CRPPA: variants seen among roughly 807,000 people sequenced by gnomAD.
The protein encoded by CRPPA is D-ribitol-5-phosphate cytidylyltransferase.
CRPPA carries 43 observed loss-of-function variants against 52.0 expected under a neutral mutation model. The ratio of observed to expected loss-of-function variants is 0.83; its 90% confidence interval spans 0.65 to 1.07. The LOEUF is 1.07. CRPPA is among the 50% of genes least tolerant of loss of function. CRPPA has a pLI of 0.00. For missense variants in CRPPA, 629 were observed against 551.7 expected (o/e 1.14, Z -1.40); for synonymous variants, 250 against 203.5 (o/e 1.23, Z -1.94).
chr7:16,145,757 C>T (rs1013439681), intron 9 of CRPPA, among the ~76,000 whole-genome samples: 22 of 151,224 alleles, frequency 1.5e-4, no homozygotes, highest in African/African-American at 5.3e-4. Flanking sequence ...AAAGACAAGT[C>T]ATTTAAAATT....
chr7:16,392,541 G>A (rs1167932385), intron 2 of CRPPA, among the ~76,000 whole-genome samples: 3 of 152,088 alleles, frequency 2.0e-5, no homozygotes, highest in Non-Finnish European at 4.4e-5. Context: ...CTCTGAAAGG[G>A]TTCAGTTTTG....
chr7:16,156,397 G>C (rs1783182805), intron 9 of CRPPA, among the ~76,000 whole-genome samples: 1 of 152,196 alleles, frequency 6.6e-6, no homozygotes, highest in African/African-American at 2.4e-5. Context: ...TTTTCTGATA[G>C]TGTTCATGAG....
intron 4 of CRPPA, among the ~76,000 whole-genome samples, chr7:16,303,817 G>A (rs1362070186): frequency 6.6e-6 from 1 of 152,114 alleles, no homozygotes; most frequent in Admixed American, 6.6e-5. Context: ...TTTTTAAACA[G>A]ATGCTGAAAT....
At chr7:16,236,093 T>C (rs774241500) in intron 8 of CRPPA, 13 of 152,118 alleles carry the variant, frequency 8.5e-5, no homozygotes, top group Admixed American at 7.9e-4. Flanking sequence ...TTCCATCTCA[T>C]ATCAATGGTA....
rs1313628256 is a variant in CRPPA, at chr7:16,090,297, T to A, written c.*1398A>T. On this transcript the variant is annotated 3_prime_UTR_variant, in exon 10 of 10. Coordinates refer to ENST00000407010, the MANE Select transcript of CRPPA (RefSeq NM_001101426.4). ...CTAGAGGGAAAATCACCCAACATGT[T>A]AAATAAAAATTCCACAAGGTAGATA... The A allele has an allele frequency of 6.6e-6, 1 of 152,116 alleles. No homozygotes were observed. The highest frequency in any genetic ancestry group is 2.4e-5 in the African/African-American group (1 of 41,440). The allele number at this position is 152,116 out of a possible 1,614,324, so 9.4% of individuals were successfully genotyped here.
intron 9 of CRPPA, among the ~76,000 whole-genome samples, chr7:16,154,765 C>G (rs181575578): frequency 6.7e-6 from 1 of 150,074 alleles, no homozygotes; most frequent in East Asian, 1.9e-4. Flanking sequence ...ACAGGTGATT[C>G]AATCTTCAAA....
chr7:16,234,280 T>G (rs1315080725), intron 8 of CRPPA, among the ~76,000 whole-genome samples: 1 of 152,018 alleles, frequency 6.6e-6, no homozygotes, highest in Non-Finnish European at 1.5e-5. Context: ...GAAAATGAAG[T>G]CCCATTTAGA....
chr7:16,312,203 C>T (rs1256555231), intron 3 of CRPPA, among the ~76,000 whole-genome samples: 1 of 151,928 alleles, frequency 6.6e-6, no homozygotes, highest in Admixed American at 6.6e-5. Flanking sequence ...TTGTAGATCA[C>T]GTTGGGGAGA....
chr7:16,402,813 T>C (rs1445524026), intron 2 of CRPPA, among the ~76,000 whole-genome samples: 2 of 151,936 alleles, frequency 1.3e-5, no homozygotes, highest in African/African-American at 4.8e-5. Context: ...GTATCATATA[T>C]ACAGTATACA....
rs1788113745 is a variant in CRPPA, at chr7:16,413,307, ACTTATTT to A, written c.258-6977_258-6971del. Among the ~76,000 whole-genome samples the A allele has an allele frequency of 2.0e-5, 3 of 152,218 alleles. No homozygotes were observed. In the South Asian group the frequency reaches 6.2e-4, roughly 32 times the overall value. On this transcript the variant is annotated intron_variant, in intron 1 of 9. Coordinates refer to ENST00000407010, the MANE Select transcript of CRPPA (RefSeq NM_001101426.4). ...TCAGCCTACCTGCCTTAGACTTACC[ACTTATTT>A]TGAAGGTGTTCCATGCGGTCCTTTG...
intron 8 of CRPPA, among the ~76,000 whole-genome samples, chr7:16,254,982 GA>G (rs1250989596): frequency 6.6e-6 from 1 of 152,098 alleles, no homozygotes; most frequent in East Asian, 1.9e-4. Flanking sequence ...ATTCAATTAG[GA>G]AAAGAGGAAG....
intron 2 of CRPPA, among the ~76,000 whole-genome samples, chr7:16,387,785 C>T (rs1317963097): frequency 6.6e-6 from 1 of 152,038 alleles, no homozygotes; most frequent in Non-Finnish European, 1.5e-5. Flanking sequence ...TACTATAAAC[C>T]AAATAAAACT....
chr7:16,353,250 G>A (rs1786204374), intron 3 of CRPPA, among the ~76,000 whole-genome samples: 2 of 152,166 alleles, frequency 1.3e-5, no homozygotes, highest in Admixed American at 1.3e-4. Flanking sequence ...TTACTCAGGA[G>A]GCTGAGGTGA....
At chr7:16,112,787 G>A (rs1269233219) in intron 9 of CRPPA, among the ~76,000 whole-genome samples, 6 of 151,998 alleles carry the variant, frequency 3.9e-5, no homozygotes, top group Admixed American at 3.9e-4. Context: ...GGAGAAGAAT[G>A]GGAACTCCTT....
chr7:16,417,983 G>A (rs1330918478), intron 1 of CRPPA, among the ~76,000 whole-genome samples: 1 of 152,164 alleles, frequency 6.6e-6, no homozygotes, highest in Non-Finnish European at 1.5e-5. Flanking sequence ...GAGCAAAAAA[G>A]TAGTCTTATA....
chr7:16,343,689 G>T (rs1246144224), intron 3 of CRPPA, among the ~76,000 whole-genome samples: 2 of 152,056 alleles, frequency 1.3e-5, no homozygotes, highest in African/African-American at 4.8e-5. Context: ...GGAAAATCTG[G>T]GGAATGAGAT....
chr7:16,372,524 C>T lies in CRPPA; in HGVS notation c.684+3568G>A, dbSNP rs111618172. ...AGAAAATTTGCCACTACCAAACCAG[C>T]ACTACAAGAAATGCTAAAATGAGTT... On this transcript the variant is annotated intron_variant, in intron 3 of 9. Transcript: ENST00000407010. Among the ~76,000 whole-genome samples the T allele has an allele frequency of 6.9e-3, 1,051 of 152,194 alleles. 12 individuals carry two copies. The highest frequency in any genetic ancestry group is 0.025 in the African/African-American group (1,018 of 41,506).
At chr7:16,135,903 C>T (rs1384535545) in intron 9 of CRPPA, among the ~76,000 whole-genome samples, 2 of 152,122 alleles carry the variant, frequency 1.3e-5, no homozygotes, top group South Asian at 2.1e-4. Context: ...AAAATTCTTA[C>T]AGTGTCCTTT....
chr7:16,357,351 G>C (rs569022085), intron 3 of CRPPA, among the ~76,000 whole-genome samples: 3 of 152,088 alleles, frequency 2.0e-5, no homozygotes, highest in Middle Eastern at 3.4e-3. Context: ...GCTAATTTTT[G>C]TAGTTTTAGT....
Sources: allele counts gnomAD v4.1 joint callset (sites outside exome capture counted in the v4.1 genomes callset), GRCh38; gene constraint gnomAD v4.1.1; transcripts MANE v1.5; gene names NCBI Gene and HGNC (gene_info 2026-07-23, HGNC 2026-07-21).